The following HLCS variants were observed in gnomAD, a reference collection of about 807,000 sequenced individuals.
HLCS encodes the protein holocarboxylase synthetase.
HLCS carries 53 observed loss-of-function variants against 75.0 expected under a neutral mutation model. That is an observed-to-expected ratio of 0.71 (90% CI 0.57 to 0.89). The LOEUF is 0.89. HLCS is among the 40% of genes least tolerant of loss of function. The probability of loss-of-function intolerance (pLI) is 0.00; values close to 1 mark genes in which losing one functional copy is unlikely to be tolerated. For synonymous variants in HLCS, 431 were observed against 428.6 expected (o/e 1.01, Z -0.07); for missense variants, 966 against 1,074.0 (o/e 0.90, Z 1.41).
At chr21:36,767,390 G>C in intron 6 of HLCS, 105 bp from the exon 7 acceptor site, 4 of 1,143,350 alleles carry the variant, frequency 3.5e-6, no homozygotes, top group Non-Finnish European at 5.3e-6. Flanking sequence ...GGGGTGTGTG[G>C]CCATGGAAGG....
chr21:36,960,802 G>C (rs1270273395), intron 2 of HLCS, among the ~76,000 whole-genome samples: 2 of 152,150 alleles, frequency 1.3e-5, no homozygotes, highest in African/African-American at 4.8e-5. Context: ...GGGTACACTG[G>C]GGTCAGACCT....
At chr21:36,886,993 G>C (rs2064496703) in intron 6 of HLCS, among the ~76,000 whole-genome samples, 4 of 152,138 alleles carry the variant, frequency 2.6e-5, no homozygotes, top group Admixed American at 2.6e-4. Context: ...AGCTGGGTGT[G>C]GTGGCACATG....
At chr21:36,892,455 A>AGTC (rs2064829489) in intron 6 of HLCS, among the ~76,000 whole-genome samples, 1 of 152,244 alleles carries the variant, frequency 6.6e-6, no homozygotes, top group Admixed American at 6.5e-5. Context: ...CTGGGGGCAG[A>AGTC]GAGCTCGTCT....
intron 6 of HLCS, among the ~76,000 whole-genome samples, chr21:36,830,267 T>C (rs1448616558): frequency 3.9e-5 from 6 of 152,106 alleles, no homozygotes; most frequent in African/African-American, 1.4e-4. Context: ...GAAATGAATG[T>C]CTGTTGTTGA....
chr21:36,787,986 C>A (rs1381513339), intron 6 of HLCS, among the ~76,000 whole-genome samples: 4 of 152,184 alleles, frequency 2.6e-5, no homozygotes, highest in African/African-American at 4.8e-5. Context: ...GCTCTGCATC[C>A]CTCTGGGTTG....
intron 6 of HLCS, among the ~76,000 whole-genome samples, chr21:36,809,702 T>C (rs1290922842): frequency 6.6e-6 from 1 of 152,214 alleles, no homozygotes; most frequent in South Asian, 2.1e-4. Flanking sequence ...TTTTCATTCA[T>C]AGTGAGCATA....
At chr21:36,797,471 G>T (rs2061062409) in intron 6 of HLCS, among the ~76,000 whole-genome samples, 1 of 151,996 alleles carries the variant, frequency 6.6e-6, no homozygotes, top group African/African-American at 2.4e-5. Context: ...TTCATAAATA[G>T]TAGAGGGGAG....
intron 9 of HLCS, among the ~76,000 whole-genome samples, chr21:36,758,296 C>A (rs1262631005): frequency 6.6e-6 from 1 of 152,002 alleles, no homozygotes; most frequent in African/African-American, 2.4e-5. Context: ...TTAGTGGAGA[C>A]AGGGTTTCGC....
At chr21:36,885,245 G>C (rs1251349178) in intron 6 of HLCS, among the ~76,000 whole-genome samples, 1 of 152,180 alleles carries the variant, frequency 6.6e-6, no homozygotes, top group Non-Finnish European at 1.5e-5. Flanking sequence ...GGTGGCTCAT[G>C]CCTATAATCC....
intron 5 of HLCS, among the ~76,000 whole-genome samples, chr21:36,913,926 C>CAT (rs1310026976): frequency 1.3e-5 from 2 of 152,118 alleles, no homozygotes; most frequent in Non-Finnish European, 2.9e-5. Context: ...AAAGAGGTGT[C>CAT]ATATTCACAA....
At chr21:36,840,298 T>A (rs1029009909) in intron 6 of HLCS, among the ~76,000 whole-genome samples, 58 of 152,148 alleles carry the variant, frequency 3.8e-4, no homozygotes, top group African/African-American at 7.0e-4. Flanking sequence ...TTTAAAAAAA[T>A]TTTTTTAAAA....
intron 6 of HLCS, among the ~76,000 whole-genome samples, chr21:36,846,396 G>T (rs1305563298): frequency 6.6e-6 from 1 of 152,058 alleles, no homozygotes; most frequent in African/African-American, 2.4e-5. Context: ...AGACCTTTGG[G>T]ACCTCCACCA....
At chr21:36,840,011 TAAAC>T (rs940230325) in intron 6 of HLCS, among the ~76,000 whole-genome samples, 1 of 152,228 alleles carries the variant, frequency 6.6e-6, no homozygotes, top group African/African-American at 2.4e-5. Flanking sequence ...CTTCAAAACA[TAAAC>T]AAACTAATCT....
intron 2 of HLCS, among the ~76,000 whole-genome samples, chr21:36,949,249 C>G (rs935553016): frequency 6.6e-6 from 1 of 152,240 alleles, no homozygotes; most frequent in Non-Finnish European, 1.5e-5. Flanking sequence ...TGGGCAGGAA[C>G]AGCTTAACTC....
rs186049638 is a variant in HLCS at position 36,829,991 on chromosome 21, T to C, written c.1893-62706A>G. ...CAACCTCAGCACCTCAAAATGGAAC[T>C]GTATTTAGAGACAGGGTCTTTCCAG... On this transcript the variant is annotated intron_variant, in intron 6 of 10. Coordinates refer to ENST00000674895, the MANE Select transcript of HLCS (RefSeq NM_001352514.2). Among the ~76,000 whole-genome samples the C allele has an allele frequency of 3.1e-3, 477 of 152,316 alleles. 2 individuals carry two copies. Among genetic ancestry groups the C allele is most frequent in the African/African-American group, 0.01 (434 of 41,578 alleles).
At chr21:36,861,511 C>CA (rs1168878167) in intron 6 of HLCS, among the ~76,000 whole-genome samples, 1 of 152,108 alleles carries the variant, frequency 6.6e-6, no homozygotes, top group East Asian at 1.9e-4. Context: ...GCCTAGTACC[C>CA]AATAGATTTT....
intron 6 of HLCS, among the ~76,000 whole-genome samples, chr21:36,803,768 G>C (rs1040134904): frequency 2.3e-5 from 3 of 130,246 alleles, no homozygotes; most frequent in African/African-American, 8.6e-5. Context: ...AAAAAAAAAA[G>C]CCTGCAATAC....
chr21:36,938,534 T>C (rs568046443), intron 3 of HLCS, among the ~76,000 whole-genome samples: 1 of 152,296 alleles, frequency 6.6e-6, no homozygotes, highest in East Asian at 1.9e-4. Context: ...GGGTCTCACT[T>C]TGTCACCCAC....
At chr21:36,825,726 C>T (rs910966519) in intron 6 of HLCS, among the ~76,000 whole-genome samples, 5 of 152,224 alleles carry the variant, frequency 3.3e-5, no homozygotes, top group African/African-American at 1.2e-4. Flanking sequence ...TCTCCACCAT[C>T]TCCAGACGTC....
Sources: gnomAD v4.1 joint callset for allele counts (sites outside exome capture counted in the v4.1 genomes callset) on GRCh38, gnomAD v4.1.1 for gene constraint, MANE v1.5 for transcripts, NCBI Gene and HGNC (gene_info 2026-07-23, HGNC 2026-07-21) for gene names.